PCDHA6: variants seen among roughly 807,000 people sequenced by gnomAD.
PCDHA6 encodes the protein protocadherin alpha-6.
In PCDHA6, 55 loss-of-function variants were observed where a neutral mutation model predicts 60.3. The observed-to-expected ratio is 0.91, with a 90% confidence interval of 0.73 to 1.14. The LOEUF (loss-of-function observed/expected upper bound fraction) is 1.14. Ranked by LOEUF, PCDHA6 falls within the 50% of genes most tolerant of loss-of-function variation. The probability of loss-of-function intolerance (pLI) is 0.00; values close to 1 mark genes in which losing one functional copy is unlikely to be tolerated. For missense variants in PCDHA6, 1,327 were observed against 1,256.5 expected, an observed-to-expected ratio of 1.06 and a Z score of -0.85; for synonymous variants, 652 against 557.9, an observed-to-expected ratio of 1.17 and a Z score of -2.38.
At position 140,828,626 on chromosome 5, in the gene PCDHA6, G is replaced by A. The variant is rs2150157577; in HGVS notation, c.535G>A (p.Gly179Arg). 2 of 1,614,092 alleles carry A rather than the reference G, an allele frequency of 1.2e-6. No homozygotes were observed. The highest frequency in any genetic ancestry group is 3.3e-5 in the Admixed American group (2 of 60,014). ...TYKLSSSEYF[G>R]LDVKINSDDN... ...TAAACTCAGTTCTAGCGAATACTTCGGGCTAGATGTGAAAATAAACAGTGA... is the reference window on the plus strand; with the variant it reads ...TAAACTCAGTTCTAGCGAATACTTCAGGCTAGATGTGAAAATAAACAGTGA... The change falls in exon 1 of 4, where the codon GGG becomes AGG. Residue 179 changes from glycine (G) to arginine (R), a missense_variant. By Grantham distance (125) the Gly-to-Arg change is moderately radical. Transcript: ENST00000529310.
intron 1 of PCDHA6, among the ~76,000 whole-genome samples, chr5:140,844,656 C>T (rs1473422243): frequency 6.7e-6 from 1 of 149,316 alleles, no homozygotes; most frequent in African/African-American, 2.5e-5. Flanking sequence ...TTCTTGCAAA[C>T]CAAACATATA....
At chr5:141,007,704 C>T (rs2098341593) in intron 3 of PCDHA6, among the ~76,000 whole-genome samples, 1 of 152,200 alleles carries the variant, frequency 6.6e-6, no homozygotes, top group African/African-American at 2.4e-5. Flanking sequence ...CCTCCTCTGC[C>T]TCCCACCACC....
chr5:140,958,672 A>G (rs1554223601), intron 1 of PCDHA6, among the ~76,000 whole-genome samples: 1 of 152,218 alleles, frequency 6.6e-6, no homozygotes, highest in African/African-American at 2.4e-5. Context: ...AATTTTAATT[A>G]TAAAGGATAT....
At chr5:140,840,727 A>G (rs1199707180) in intron 1 of PCDHA6, among the ~76,000 whole-genome samples, 1 of 152,100 alleles carries the variant, frequency 6.6e-6, no homozygotes, top group Admixed American at 6.5e-5. Flanking sequence ...AATAAAGAAA[A>G]GCAAAAATTT....
intron 1 of PCDHA6, among the ~76,000 whole-genome samples, chr5:140,915,582 G>A (rs991142864): frequency 2.6e-5 from 4 of 152,056 alleles, no homozygotes; most frequent in South Asian, 4.1e-4. Flanking sequence ...CCAGGCAAAA[G>A]CACTTGTTCT....
At chr5:140,848,789 G>A in intron 1 of PCDHA6, 1 of 1,593,198 alleles carries the variant, frequency 6.3e-7, no homozygotes, top group East Asian at 2.2e-5. Flanking sequence ...TGTGCGGGCG[G>A]AGCGCGGAGT....
At chr5:140,848,948 G>A (rs782183548) in intron 1 of PCDHA6, 1 of 1,607,010 alleles carries the variant, frequency 6.2e-7, no homozygotes, top group African/African-American at 1.4e-5. Flanking sequence ...TTGACTCTCG[G>A]TTTCCACTAG....
intron 1 of PCDHA6, among the ~76,000 whole-genome samples, chr5:140,838,656 C>T (rs2150290974): frequency 1.1e-4 from 17 of 151,972 alleles, no homozygotes; most frequent in Admixed American, 2.0e-4. Context: ...TGATAGTTAA[C>T]GGGGCATGGT....
chr5:140,910,387 T>G (rs540534807), intron 1 of PCDHA6, among the ~76,000 whole-genome samples: 3 of 152,276 alleles, frequency 2.0e-5, no homozygotes, highest in Admixed American at 6.5e-5. Context: ...CCTTTGACAG[T>G]TGACTGGCCC....
chr5:140,857,745 C>T lies in PCDHA6; in HGVS notation c.2394+27260C>T. On this transcript the variant is annotated intron_variant, in intron 1 of 3. Coordinates refer to ENST00000529310, the MANE Select transcript of PCDHA6 (RefSeq NM_018909.4). Reference sequence around the variant, plus strand: ...AACGACAACGCTCCCGCGCTGCTGGCGTCTCCCGCTGGCAGCGCGGGCGGT... The same window carrying T: ...AACGACAACGCTCCCGCGCTGCTGGTGTCTCCCGCTGGCAGCGCGGGCGGT... 5.0e-6 allele frequency: 8 copies of T among 1,597,310 alleles called. 1 individual carries two copies. Among genetic ancestry groups the T allele is most frequent in the South Asian group, 1.1e-5 (1 of 90,480 alleles).
At chr5:140,877,273 T>C (rs1324679559) in intron 1 of PCDHA6, 2 of 1,613,722 alleles carry the variant, frequency 1.2e-6, no homozygotes, top group Non-Finnish European at 1.7e-6. Context: ...GGACGCTGAC[T>C]CCGGCTATAA....
At chr5:140,875,667 G>T in intron 1 of PCDHA6, 1 of 1,613,820 alleles carries the variant, frequency 6.2e-7, no homozygotes, top group Non-Finnish European at 8.5e-7. Flanking sequence ...GCCTGTTCCG[G>T]GTGGCGTCCA....
At chr5:140,884,368 G>T (rs2060127258) in intron 1 of PCDHA6, 1 of 1,613,864 alleles carries the variant, frequency 6.2e-7, no homozygotes, top group Non-Finnish European at 8.5e-7. Context: ...ATGTTTACTT[G>T]ATCATTGCCA....
At chr5:140,901,060 A>AT (rs542927280) in intron 1 of PCDHA6, among the ~76,000 whole-genome samples, 21 of 151,128 alleles carry the variant, frequency 1.4e-4, no homozygotes, top group African/African-American at 3.2e-4. Flanking sequence ...AGATTATTAG[A>AT]TTTTTTTTTC....
At chr5:140,854,018 C>T (rs1041101905) in intron 1 of PCDHA6, 6 of 346,140 alleles carry the variant, frequency 1.7e-5, no homozygotes, top group East Asian at 1.7e-4. Context: ...AAAAATTAGC[C>T]GGGCATGGTG....
chr5:140,916,227 C>T (rs1554197349), intron 1 of PCDHA6, among the ~76,000 whole-genome samples: 2 of 152,208 alleles, frequency 1.3e-5, no homozygotes, highest in African/African-American at 4.8e-5. Context: ...AATATGCTTT[C>T]CAGGAGCCAA....
At position 140,900,403 on chromosome 5, in the gene PCDHA6, A is replaced by G. The variant is rs569079456; in HGVS notation, c.2394+69918A>G. ...AGCGATTCTCCTGCCTCAGCCTCCC[A>G]AGTAGCTGGGATTATAGGCACGTGC... On this transcript the variant is annotated intron_variant, in intron 1 of 3. Coordinates refer to ENST00000529310, the MANE Select transcript of PCDHA6 (RefSeq NM_018909.4). 2.4e-3 allele frequency among the ~76,000 whole-genome samples: 360 copies of G among 152,066 alleles called. 1 individual carries two copies. Among genetic ancestry groups the G allele is most frequent in the African/African-American group, 8.1e-3 (336 of 41,500 alleles).
intron 3 of PCDHA6, among the ~76,000 whole-genome samples, chr5:140,989,792 C>T (rs1324674581): frequency 6.6e-6 from 1 of 152,142 alleles, no homozygotes; most frequent in African/African-American, 2.4e-5. Flanking sequence ...CTAGAGGCCC[C>T]CAGGAAAGGG....
chr5:140,881,625 A>G (rs2058773266), intron 1 of PCDHA6, among the ~76,000 whole-genome samples: 1 of 152,210 alleles, frequency 6.6e-6, no homozygotes, highest in African/African-American at 2.4e-5. Context: ...AAAATCTGAT[A>G]TATCAGTTAC....
Sources: allele counts gnomAD v4.1 joint callset (sites outside exome capture counted in the v4.1 genomes callset), GRCh38; gene constraint gnomAD v4.1.1; transcripts MANE v1.5; gene names NCBI Gene and HGNC (gene_info 2026-07-23, HGNC 2026-07-21).